The following ZNF565 variants were observed in gnomAD, a reference collection of about 807,000 sequenced individuals.
ZNF565 encodes the protein zinc finger protein 565.
In ZNF565, 27 loss-of-function variants were observed where a neutral mutation model predicts 39.4. The observed-to-expected ratio is 0.69, with a 90% CI of 0.51 to 0.95. The LOEUF is 0.95. Among genes scored for constraint, ZNF565 ranks in the 40% least tolerant of loss-of-function variants. The probability of loss-of-function intolerance (pLI) is 0.00; values close to 1 mark genes in which losing one functional copy is unlikely to be tolerated. For missense variants in ZNF565, 524 were observed against 621.1 expected (o/e 0.84, Z 1.66); for synonymous variants, 185 against 216.6 (o/e 0.85, Z 1.28).
chr19:36,219,877 G>A (rs935296055), intron 1 of ZNF565, among the ~76,000 whole-genome samples: 1 of 152,100 alleles, frequency 6.6e-6, no homozygotes. Flanking sequence ...AATTTCTCTT[G>A]TCTTTTCATT....
chr19:36,194,357 A>T, intron 3 of ZNF565, 29 bp from the exon 4 acceptor site: 14 of 1,556,888 alleles, frequency 9.0e-6, no homozygotes, highest in Non-Finnish European at 1.2e-5. Flanking sequence ...ATGGGGTGTG[A>T]TCAGACCGCT....
intron 1 of ZNF565, among the ~76,000 whole-genome samples, chr19:36,244,322 C>T (rs571198564): frequency 1.3e-5 from 2 of 152,022 alleles, no homozygotes; most frequent in African/African-American, 2.4e-5. Context: ...GAGGCCGAGG[C>T]GAGCGAATCA....
intron 4 of ZNF565, among the ~76,000 whole-genome samples, chr19:36,188,464 C>A (rs1201901942): frequency 1.3e-5 from 2 of 151,898 alleles, no homozygotes; most frequent in African/African-American, 4.8e-5. Context: ...GTAACCCCAG[C>A]ACTTTGGGAG....
chr19:36,182,587 G>C lies in ZNF565; in HGVS notation c.1379C>G (p.Ser460Ter). ...RECGMAFIRS[S>*]QLTEHQRIHP... ...AATTCTCTGATGTTCGGTAAGTTGT[G>C]AACTACGAATAAAGGCCATTCCACA... Residue 460 changes from serine to a stop codon, truncating the protein, a stop_gained, in exon 5 of 5, where the codon TCA (serine) becomes TGA (stop). Coordinates refer to ENST00000304116, the MANE Select transcript of ZNF565 (RefSeq NM_152477.5). LOFTEE classifies it high-confidence loss of function. 6.2e-7 allele frequency: 1 copy of C among 1,614,082 alleles called. No individual in the cohort carries two copies. The highest frequency in any genetic ancestry group is 1.1e-5 in the South Asian group (1 of 91,076).
chr19:36,216,362 C>A (rs550270686), upstream of ZNF565, among the ~76,000 whole-genome samples: 18 of 152,022 alleles, frequency 1.2e-4, no homozygotes, highest in South Asian at 3.7e-3. Context: ...TGATCTTGGT[C>A]GGGTGCGGTG....
intron 1 of ZNF565, among the ~76,000 whole-genome samples, chr19:36,233,974 A>T (rs143433837): frequency 2.6e-5 from 4 of 152,070 alleles, no homozygotes; most frequent in Non-Finnish European, 4.4e-5. Flanking sequence ...ATTTCAGACT[A>T]TCACATGGGG....
chr19:36,241,893 A>G (rs1349776773), intron 1 of ZNF565, among the ~76,000 whole-genome samples: 18 of 152,170 alleles, frequency 1.2e-4, no homozygotes, highest in African/African-American at 4.8e-5. Context: ...AGACCTAAAC[A>G]TAAGAGATAA....
intron 1 of ZNF565, among the ~76,000 whole-genome samples, chr19:36,244,425 G>C (rs915790957): frequency 6.6e-6 from 1 of 152,148 alleles, no homozygotes; most frequent in Non-Finnish European, 1.5e-5. Context: ...GTGGGTACCT[G>C]TCATCCCAGC....
At chr19:36,195,953 T>C (rs1239709034) in intron 2 of ZNF565, among the ~76,000 whole-genome samples, 8 of 151,398 alleles carry the variant, frequency 5.3e-5, no homozygotes, top group Non-Finnish European at 1.5e-5. Flanking sequence ...TTTTTTTTTT[T>C]TGAGACAGAG....
chr19:36,224,938 G>A (rs1446103489), intron 1 of ZNF565, among the ~76,000 whole-genome samples: 1 of 151,958 alleles, frequency 6.6e-6, no homozygotes, highest in Non-Finnish European at 1.5e-5. Context: ...CATATATGAA[G>A]CTGTTGATTT....
chr19:36,237,034 A>G, intron 1 of ZNF565: 1 of 1,614,028 alleles, frequency 6.2e-7, no homozygotes, highest in Non-Finnish European at 8.5e-7. Flanking sequence ...AGCGAACATC[A>G]CTTATTGTAC....
At chr19:36,197,702 A>G (rs894196702) in intron 2 of ZNF565, among the ~76,000 whole-genome samples, 6 of 152,188 alleles carry the variant, frequency 3.9e-5, no homozygotes, top group African/African-American at 7.2e-5. Flanking sequence ...ATGCTAGTGA[A>G]GACGTGAACA....
rs141296440 is a variant in ZNF565, at chr19:36,183,329, G to A, written c.637C>T (p.His213Tyr). The A allele has an allele frequency of 1.1e-5, 17 of 1,614,034 alleles. No individual in the cohort carries two copies. In the African/African-American group the frequency reaches 2.3e-4, roughly 22 times the overall value. Residue 213 changes from histidine (H) to tyrosine (Y), a missense_variant, in exon 5 of 5, where the codon CAT becomes TAT. Transcript: ENST00000304116. ...AFSRASHLVQHQRIHTGEKPY... is the reference protein window; with the variant it reads ...AFSRASHLVQYQRIHTGEKPY... ...TTCTCACCCGTGTGAATTCTCTGAT[G>A]CTGAACAAGGTGTGAGGCACGGCTG...
intron 1 of ZNF565, among the ~76,000 whole-genome samples, chr19:36,221,578 G>T (rs1328133301): frequency 6.6e-6 from 1 of 152,126 alleles, no homozygotes; most frequent in Non-Finnish European, 1.5e-5. Flanking sequence ...TTGAGCCACC[G>T]TGCCTGGCCA....
chr19:36,200,828 A>C (rs1314747661), intron 2 of ZNF565, among the ~76,000 whole-genome samples: 1 of 151,878 alleles, frequency 6.6e-6, no homozygotes, highest in East Asian at 1.9e-4. Context: ...TGTGTCGCCC[A>C]AGCCGGAGTG....
intron 1 of ZNF565, among the ~76,000 whole-genome samples, chr19:36,204,435 C>T (rs1976078422): frequency 6.6e-6 from 1 of 152,064 alleles, no homozygotes; most frequent in African/African-American, 2.4e-5. Context: ...ATTTGGGAGA[C>T]TAAGAATGAT....
chr19:36,207,217 C>A (rs573141507), intron 1 of ZNF565, among the ~76,000 whole-genome samples: 1 of 152,102 alleles, frequency 6.6e-6, no homozygotes, highest in East Asian at 1.9e-4. Flanking sequence ...AGGTACGAAA[C>A]TTTTAAAGCC....
intron 1 of ZNF565, among the ~76,000 whole-genome samples, chr19:36,227,498 C>T (rs1205169103): frequency 1.2e-4 from 18 of 151,562 alleles, no homozygotes; most frequent in Non-Finnish European, 1.2e-4. Context: ...ATCTTCCTGT[C>T]TCAGCCTCCT....
intron 1 of ZNF565, among the ~76,000 whole-genome samples, chr19:36,205,044 C>G (rs780310745): frequency 8.8e-4 from 134 of 152,086 alleles, no homozygotes; most frequent in Non-Finnish European, 1.7e-3. Flanking sequence ...AGGGCAAGGA[C>G]CAGTGGGTCT....
Sources: allele counts gnomAD v4.1 joint callset (sites outside exome capture counted in the v4.1 genomes callset), GRCh38; gene constraint gnomAD v4.1.1; transcripts MANE v1.5; gene names NCBI Gene and HGNC (gene_info 2026-07-23, HGNC 2026-07-21).